Variants in P2RY8 observed in about 807,000 individuals in gnomAD.
The protein encoded by P2RY8 is S-geranylgeranyl-glutathione receptor P2RY8.
Under a neutral mutation model 10.0 loss-of-function variants are expected in P2RY8, and 6 were observed. That is an observed-to-expected ratio of 0.60 (90% CI 0.33 to 1.19). The LOEUF (loss-of-function observed/expected upper bound fraction) is 1.19, where lower values mean the gene tolerates loss of function less well. Ranked by LOEUF, P2RY8 falls within the 50% of genes most tolerant of loss-of-function variation. The pLI is 0.04. For synonymous variants in P2RY8, 276 were observed against 252.5 expected (o/e 1.09, Z -0.88); for missense variants, 456 against 542.0 (o/e 0.84, Z 1.58).
At chrX:1,494,869 A>ATTTTTTT (rs59572174) in intron 1 of P2RY8, among the ~76,000 whole-genome samples, 2 of 143,892 alleles carry the variant, frequency 1.4e-5, no homozygotes. Context: ...CACCTGGCTA[A>ATTTTTTT]TTTTTTTTTT....
rs1247595292 is a variant in P2RY8 at position 1,464,586 on chromosome X, ACC to A, written c.*891_*892del. On this transcript the variant is annotated 3_prime_UTR_variant, in exon 2 of 2. Transcript: ENST00000381297. ...GCACCCTTGTGTTGGGATGGGCTGG[ACC>A]CCATCTCACGGAGCCTCCTTTCCGC... 1.7e-5 allele frequency: 4 copies of A among 233,118 alleles called. No individual in the cohort carries two copies. The highest frequency in any genetic ancestry group is 3.4e-5 in the Non-Finnish European group (4 of 118,178). The allele number at this position is 233,118 out of a possible 1,614,324, so 14.4% of individuals were successfully genotyped here. A position where few individuals can be genotyped will look rare whatever the true frequency, so the allele number is the denominator to read the frequency against.
chrX:1,506,430 T>C (rs185335878), intron 1 of P2RY8, among the ~76,000 whole-genome samples: 270 of 151,880 alleles, frequency 1.8e-3, no homozygotes, highest in African/African-American at 6.4e-3. Flanking sequence ...AGGCTATAGA[T>C]GGAGATGTCT....
At chrX:1,528,539 C>A (rs1240339645) in intron 1 of P2RY8, among the ~76,000 whole-genome samples, 2 of 152,238 alleles carry the variant, frequency 1.3e-5, no homozygotes, top group Admixed American at 6.5e-5. Flanking sequence ...CCCGGAGGAG[C>A]AAGTGCTTCC....
intron 1 of P2RY8, among the ~76,000 whole-genome samples, chrX:1,489,259 G>A (rs1295857100): frequency 1.4e-4 from 21 of 151,914 alleles, no homozygotes; most frequent in Non-Finnish European, 2.8e-4. Context: ...TGGAGGGAAT[G>A]AATGACTGAC....
chrX:1,487,863 C>G (rs2092000565), intron 1 of P2RY8, among the ~76,000 whole-genome samples: 1 of 152,176 alleles, frequency 6.6e-6, no homozygotes, highest in Non-Finnish European at 1.5e-5. Context: ...GTCATCCCAG[C>G]ACTTTGGGAG....
At chrX:1,482,507 GCT>G (rs1458397895) in intron 1 of P2RY8, among the ~76,000 whole-genome samples, 1 of 152,120 alleles carries the variant, frequency 6.6e-6, no homozygotes, top group African/African-American at 2.4e-5. Flanking sequence ...CCTAACAGCT[GCT>G]CTCTGTTTAA....
intron 1 of P2RY8, among the ~76,000 whole-genome samples, chrX:1,472,704 ATGTGTGGATGAATGGTGGG>A (rs2091806026): frequency 6.6e-5 from 1 of 15,244 alleles, no homozygotes; most frequent in Admixed American, 8.1e-4. Context: ...GGGAGGGTGG[ATGTGTGGATGAATGGTGGG>A]TGGGTGGGTG....
intron 1 of P2RY8, among the ~76,000 whole-genome samples, chrX:1,471,861 G>A (rs2091791538): frequency 6.6e-6 from 1 of 152,092 alleles, no homozygotes; most frequent in Non-Finnish European, 1.5e-5. Flanking sequence ...CTGAGTGCTG[G>A]GGGCTGTCCC....
chrX:1,499,169 T>TC (rs2092150566), intron 1 of P2RY8, among the ~76,000 whole-genome samples: 1 of 146,548 alleles, frequency 6.8e-6, no homozygotes, highest in African/African-American at 2.5e-5. Context: ...TTTTCTTTTT[T>TC]TTTTTTTTTT....
At chrX:1,508,958 T>G (rs1216787011) in intron 1 of P2RY8, among the ~76,000 whole-genome samples, 11 of 151,572 alleles carry the variant, frequency 7.3e-5, no homozygotes, top group African/African-American at 2.4e-4. Flanking sequence ...CTATCCTGTA[T>G]GTATCTATCC....
rs762144564 is a variant in P2RY8, at chrX:1,496,686, GT to G, written c.-24-30105del. 8.5e-3 allele frequency among the ~76,000 whole-genome samples: 1,285 copies of G among 150,828 alleles called. 21 individuals are homozygous for G. The highest frequency in any genetic ancestry group is 0.029 in the African/African-American group (1,181 of 40,956). ...AGATATTCAACACTGCTTCCTGGGAGTTTTTTTTCTTTCTTTCTTTCTTTTT... is the reference window on the plus strand; with the variant it reads ...AGATATTCAACACTGCTTCCTGGGAGTTTTTTTCTTTCTTTCTTTCTTTTT... On this transcript the variant is annotated intron_variant, in intron 1 of 1. Coordinates refer to ENST00000381297, the MANE Select transcript of P2RY8 (RefSeq NM_178129.5).
intron 1 of P2RY8, among the ~76,000 whole-genome samples, chrX:1,506,638 G>C (rs2092235914): frequency 6.6e-6 from 1 of 151,794 alleles, no homozygotes; most frequent in South Asian, 2.1e-4. Context: ...GAGGGACCCT[G>C]GACATTTTGG....
At chrX:1,483,013 C>T (rs1400824840) in intron 1 of P2RY8, among the ~76,000 whole-genome samples, 3 of 152,006 alleles carry the variant, frequency 2.0e-5, no homozygotes, top group Admixed American at 2.0e-4. Context: ...TTAATGGGTG[C>T]AGCACACCAA....
At chrX:1,491,984 C>T (rs776891102) in intron 1 of P2RY8, among the ~76,000 whole-genome samples, 3 of 152,172 alleles carry the variant, frequency 2.0e-5, no homozygotes, top group Non-Finnish European at 2.9e-5. Context: ...TTAGCCCCAC[C>T]GCCTCCCTCC....
At chrX:1,515,530 C>T (rs1371270389) in intron 1 of P2RY8, among the ~76,000 whole-genome samples, 2 of 151,498 alleles carry the variant, frequency 1.3e-5, no homozygotes, top group East Asian at 2.0e-4. Flanking sequence ...CGCCATCACA[C>T]CCGGCTAATT....
At chrX:1,487,047 G>C (rs1179905501) in intron 1 of P2RY8, among the ~76,000 whole-genome samples, 6 of 152,226 alleles carry the variant, frequency 3.9e-5, no homozygotes, top group Admixed American at 2.6e-4. Context: ...GTCCCTACCG[G>C]GGTGTCTGGG....
At chrX:1,512,644 C>T (rs185291542) in intron 1 of P2RY8, among the ~76,000 whole-genome samples, 23 of 151,722 alleles carry the variant, frequency 1.5e-4, no homozygotes, top group East Asian at 1.9e-4. Context: ...AGGGAGACCT[C>T]GCAATCATGG....
In P2RY8 at chrX:1,465,775, C is replaced by T. The variant is rs1179940555; in HGVS notation, c.784G>A (p.Val262Met). 2 of 1,613,540 alleles carry T rather than the reference C, an allele frequency of 1.2e-6. No individual in the cohort carries two copies. The highest frequency in any genetic ancestry group is 1.7e-6 in the Non-Finnish European group (2 of 1,179,844). Residue 262 changes from valine (V) to methionine (M), a missense_variant, in exon 2 of 2, where the codon GTG becomes ATG. Transcript: ENST00000381297. The part of the protein sequence containing the change: ...PNNFVLLAHI[V>M]SRLFYGKSYY... The stretch of plus-strand genomic sequence containing the variant: ...CTCTTGCCGTAGAACAGGCGGCTCA[C>T]GATGTGCGCCAGGAGCACGAAGTTG...
chrX:1,535,895 G>T (rs2149419666), intron 1 of P2RY8, among the ~76,000 whole-genome samples: 1 of 152,102 alleles, frequency 6.6e-6, no homozygotes, highest in Admixed American at 6.6e-5. Flanking sequence ...CTTTTTAGGG[G>T]ACAGATCTGA....
Sources: gnomAD v4.1 joint callset for allele counts (sites outside exome capture counted in the v4.1 genomes callset) on GRCh38, gnomAD v4.1.1 for gene constraint, MANE v1.5 for transcripts, NCBI Gene and HGNC (gene_info 2026-07-23, HGNC 2026-07-21) for gene names.